Variants in DSCAM observed in about 807,000 individuals in gnomAD.
DSCAM encodes the protein DS cell adhesion molecule.
A neutral mutation model predicts 217.7 loss-of-function variants in DSCAM; 47 were observed. The ratio of observed to expected loss-of-function variants is 0.22; its 90% CI spans 0.17 to 0.28. The LOEUF is 0.28. Ranked by LOEUF, DSCAM falls within the 10% of genes least tolerant of loss-of-function variation. DSCAM has a pLI of 1.00. For synonymous variants in DSCAM, 1,056 were observed against 1,015.3 expected (o/e 1.04, Z -0.76); for missense variants, 2,080 against 2,618.3 (o/e 0.79, Z 4.49).
chr21:40,421,728 C>T (rs893232297), intron 3 of DSCAM, among the ~76,000 whole-genome samples: 1 of 152,166 alleles, frequency 6.6e-6, no homozygotes, highest in East Asian at 1.9e-4. Flanking sequence ...ACCTGAGAGG[C>T]GGAAACCAAA....
chr21:40,731,240 A>T (rs2091007770), intron 1 of DSCAM, among the ~76,000 whole-genome samples: 1 of 152,224 alleles, frequency 6.6e-6, no homozygotes. Flanking sequence ...TAATGTTTTC[A>T]TTAGTCACTT....
intron 3 of DSCAM, among the ~76,000 whole-genome samples, chr21:40,560,032 A>G (rs577052621): frequency 1.6e-4 from 25 of 152,150 alleles, no homozygotes; most frequent in Non-Finnish European, 3.4e-4. Flanking sequence ...TGACCTCGTG[A>G]TCCGCCCGCC....
At chr21:40,552,501 T>C (rs1363882555) in intron 3 of DSCAM, among the ~76,000 whole-genome samples, 1 of 152,218 alleles carries the variant, frequency 6.6e-6, no homozygotes, top group Non-Finnish European at 1.5e-5. Context: ...CTCCCATTGC[T>C]GCAGTGTGGG....
Position 40,323,624 on chromosome 21 carries a change from T to G in DSCAM, c.1784-11265A>C, listed in dbSNP as rs2074284573. 2.6e-5 allele frequency among the ~76,000 whole-genome samples: 4 copies of G among 152,238 alleles called. No homozygotes were observed. The South Asian group carries it at 8.3e-4, about 32-fold the overall frequency. On this transcript the variant is annotated intron_variant, in intron 8 of 32. Coordinates refer to ENST00000400454, the MANE Select transcript of DSCAM (RefSeq NM_001389.5). ...TGTTTGTTTTGTTGTTTTTGCTCAT[T>G]CAGCTGGCCCAAGTTTAGCTAGTGT... is the stretch of plus-strand genomic sequence containing the variant.
intron 2 of DSCAM, among the ~76,000 whole-genome samples, chr21:40,703,902 T>A (rs1279338830): frequency 1.3e-5 from 2 of 152,202 alleles, no homozygotes; most frequent in African/African-American, 4.8e-5. Context: ...GATTTTTTTT[T>A]AGAGCAGTTG....
intron 11 of DSCAM, among the ~76,000 whole-genome samples, chr21:40,233,568 C>A (rs115347889): frequency 2.1e-4 from 32 of 152,242 alleles, no homozygotes; most frequent in African/African-American, 7.7e-4. Context: ...TAATTAGAGA[C>A]TTTTTGCCCC....
intron 16 of DSCAM, among the ~76,000 whole-genome samples, chr21:40,153,072 C>T (rs547286671): frequency 6.6e-6 from 1 of 152,340 alleles, no homozygotes; most frequent in East Asian, 1.9e-4. Context: ...TGTAATCTAT[C>T]CTCATTTCCC....
At chr21:40,493,095 A>G (rs2146017113) in intron 3 of DSCAM, among the ~76,000 whole-genome samples, 1 of 152,356 alleles carries the variant, frequency 6.6e-6, no homozygotes, top group Non-Finnish European at 1.5e-5. Context: ...AGAATGCTGA[A>G]AGAAAAAACT....
intron 22 of DSCAM, among the ~76,000 whole-genome samples, chr21:40,086,309 A>G (rs1396751660): frequency 2.6e-5 from 4 of 152,230 alleles, no homozygotes; most frequent in Non-Finnish European, 5.9e-5. Context: ...CTCCGGTGGC[A>G]GATTGTCCAG....
At chr21:40,116,718 T>C (rs2089974802) in intron 20 of DSCAM, among the ~76,000 whole-genome samples, 1 of 149,748 alleles carries the variant, frequency 6.7e-6, no homozygotes, top group Non-Finnish European at 1.5e-5. Context: ...AAGAGAGAGA[T>C]TCGACCGGGC....
Position 40,347,593 on chromosome 21 carries a change from C to T in DSCAM, c.1210+77G>A, listed in dbSNP as rs563501503. The T allele has an allele frequency of 4.9e-4, 771 of 1,583,620 alleles. 2 individuals carry two copies. The highest frequency in any genetic ancestry group is 6.4e-4 in the Non-Finnish European group (740 of 1,162,014). On this transcript the variant is annotated intron_variant, in intron 6 of 32. Transcript: ENST00000400454. ...TAGAACTGAGCGATCAGCACTGCTTCACCCTGTCTTCTTCTTTTCTGAGTG... is the reference window on the plus strand; with the variant it reads ...TAGAACTGAGCGATCAGCACTGCTTTACCCTGTCTTCTTCTTTTCTGAGTG...
chr21:40,105,807 T>A (rs564612271), intron 20 of DSCAM, among the ~76,000 whole-genome samples: 2 of 152,254 alleles, frequency 1.3e-5, no homozygotes, highest in Non-Finnish European at 2.9e-5. Context: ...TAGGCAAAAA[T>A]TGCACACAAA....
intron 3 of DSCAM, among the ~76,000 whole-genome samples, chr21:40,498,571 G>A (rs1189358212): frequency 6.9e-6 from 1 of 144,826 alleles, no homozygotes; most frequent in South Asian, 2.2e-4. Flanking sequence ...ATATACCTAT[G>A]TAAACATGAA....
chr21:40,142,713 A>G lies in DSCAM; in HGVS notation c.3260-9T>C, dbSNP rs371866458. On this transcript the variant is annotated splice_polypyrimidine_tract_variant and intron_variant, in intron 17 of 32. Coordinates refer to ENST00000400454, the MANE Select transcript of DSCAM (RefSeq NM_001389.5). ...GGGGGGGTAACTGGGCACTGAAATC[A>G]AATAATTAGAATCTGTAATAACTGT... The G allele has an allele frequency of 6.8e-6, 11 of 1,613,064 alleles. No homozygotes were observed. The African/African-American group carries it at 1.2e-4, about 18-fold the overall frequency.
chr21:40,175,749 T>A (rs1304767019), intron 15 of DSCAM, among the ~76,000 whole-genome samples: 1 of 150,484 alleles, frequency 6.6e-6, no homozygotes, highest in East Asian at 2.0e-4. Context: ...ACTGTGGGTT[T>A]AATCCAGCAT....
At chr21:40,133,703 T>C in intron 19 of DSCAM, 151 bp downstream of exon 19, 1 of 776,760 alleles carries the variant, frequency 1.3e-6, no homozygotes, top group Non-Finnish European at 1.9e-6. Context: ...GAGAGGAAGT[T>C]AATGGTCTGA....
At chr21:40,379,138 A>C (rs1160003254) in intron 3 of DSCAM, among the ~76,000 whole-genome samples, 1 of 152,232 alleles carries the variant, frequency 6.6e-6, no homozygotes, top group Non-Finnish European at 1.5e-5. Context: ...GGATCAGCAG[A>C]TATCTGCCCA....
At chr21:40,013,544 G>A (rs1448696994) in intron 32 of DSCAM, among the ~76,000 whole-genome samples, 158 bp from the exon 33 acceptor site, 2 of 152,156 alleles carry the variant, frequency 1.3e-5, no homozygotes, top group Admixed American at 1.3e-4. Flanking sequence ...TCACCACAAA[G>A]ACAGGTGGAA....
intron 1 of DSCAM, among the ~76,000 whole-genome samples, chr21:40,777,427 T>C (rs186741308): frequency 2.6e-5 from 4 of 152,302 alleles, no homozygotes; most frequent in East Asian, 1.9e-4. Flanking sequence ...GCTCAATCTT[T>C]AATATAAATG....
Sources: gnomAD v4.1 joint callset for allele counts (sites outside exome capture counted in the v4.1 genomes callset) on GRCh38, gnomAD v4.1.1 for gene constraint, MANE v1.5 for transcripts, NCBI Gene and HGNC (gene_info 2026-07-23, HGNC 2026-07-21) for gene names.